The following PCDHA10 variants were observed in gnomAD, a reference collection of about 807,000 sequenced individuals.
PCDHA10 encodes protocadherin alpha-10.
In PCDHA10, 45 loss-of-function variants were observed where a neutral mutation model predicts 61.2. The ratio of observed to expected loss-of-function variants is 0.74; its 90% CI spans 0.58 to 0.94. The LOEUF (loss-of-function observed/expected upper bound fraction) is 0.94, where lower values mean the gene tolerates loss of function less well. PCDHA10 is among the 40% of genes least tolerant of loss of function. The probability of loss-of-function intolerance (pLI) is 0.00; values close to 1 mark genes in which losing one functional copy is unlikely to be tolerated. For missense variants in PCDHA10, 1,278 were observed against 1,236.2 expected, an observed-to-expected ratio of 1.03 and a Z score of -0.51; for synonymous variants, 602 against 548.8, an observed-to-expected ratio of 1.10 and a Z score of -1.35.
chr5:140,919,733 AG>A (rs1426663186), intron 1 of PCDHA10, among the ~76,000 whole-genome samples: 1 of 152,194 alleles, frequency 6.6e-6, no homozygotes, highest in Admixed American at 6.5e-5. Flanking sequence ...TGTTACTTCT[AG>A]ATAGCTTTAT....
At chr5:141,006,412 A>G (rs1423476125) in intron 3 of PCDHA10, among the ~76,000 whole-genome samples, 7 of 151,898 alleles carry the variant, frequency 4.6e-5, no homozygotes, top group African/African-American at 1.7e-4. Flanking sequence ...ACGCGGTTTC[A>G]CTGTGTTAGC....
At position 140,978,997 on chromosome 5, in the gene PCDHA10, G is replaced by C. The variant is rs782253140; in HGVS notation, c.2437G>C (p.Gly813Arg). The C allele has an allele frequency of 2.7e-5, 44 of 1,614,040 alleles. No individual in the cohort carries two copies. Among genetic ancestry groups the C allele is most frequent in the Non-Finnish European group, 3.6e-5 (43 of 1,180,028 alleles). ...GCGTTACTCTGCCTCCCTGAGAGCA[G>C]GCATGCACAGGTATGTATTTCCCTC... ...DWRYSASLRAGMHSSVHLEEA... is the reference protein window; with the variant it reads ...DWRYSASLRARMHSSVHLEEA... Residue 813 changes from glycine to arginine, a missense_variant, in exon 2 of 4, where the codon GGC becomes CGC. Transcript: ENST00000307360.
At chr5:140,982,434 T>A in intron 2 of PCDHA10, 41 bp from the exon 3 acceptor site, 1 of 1,613,270 alleles carries the variant, frequency 6.2e-7, no homozygotes, top group Non-Finnish European at 8.5e-7. Flanking sequence ...TGGGAAAGAA[T>A]TTATGATCTA....
chr5:140,877,792 CCAAGCCTTCAGCT>C, intron 1 of PCDHA10: 1 of 1,614,004 alleles, frequency 6.2e-7, no homozygotes, highest in East Asian at 2.2e-5. Context: ...GGCCTTCAGC[CCAAGCCTTCAGCT>C]GTCTCGAGAA....
chr5:140,915,204 C>A (rs2077022161), intron 1 of PCDHA10, among the ~76,000 whole-genome samples: 1 of 152,120 alleles, frequency 6.6e-6, no homozygotes, highest in African/African-American at 2.4e-5. Flanking sequence ...ATCTTGGCCT[C>A]CCAAAGTGCT....
intron 2 of PCDHA10, among the ~76,000 whole-genome samples, chr5:140,980,478 A>G (rs1186753725): frequency 2.6e-5 from 4 of 152,172 alleles, no homozygotes; most frequent in African/African-American, 4.8e-5. Context: ...AAAAATACAA[A>G]AATTAGCTGG....
intron 1 of PCDHA10, chr5:140,928,001 A>T (rs1252162846): frequency 6.2e-7 from 1 of 1,614,034 alleles, no homozygotes; most frequent in Non-Finnish European, 8.5e-7. Flanking sequence ...GAAGACCTCG[A>T]TTCTAATGGT....
intron 1 of PCDHA10, among the ~76,000 whole-genome samples, chr5:140,914,458 A>G (rs1294717004): frequency 6.6e-6 from 1 of 152,004 alleles, no homozygotes; most frequent in Non-Finnish European, 1.5e-5. Flanking sequence ...TTTCCAGTCT[A>G]TGTGTATCTT....
intron 1 of PCDHA10, among the ~76,000 whole-genome samples, chr5:140,925,279 C>T (rs1477579286): frequency 6.6e-6 from 1 of 152,058 alleles, no homozygotes; most frequent in African/African-American, 2.4e-5. Context: ...TCAGATTTTG[C>T]CTTTCAAATG....
At chr5:140,953,218 C>T (rs575250415) in intron 1 of PCDHA10, among the ~76,000 whole-genome samples, 2 of 152,272 alleles carry the variant, frequency 1.3e-5, no homozygotes, top group East Asian at 3.9e-4. Flanking sequence ...ATCTTTCTTG[C>T]TTCTGCTTGG....
rs377133743 is a variant in PCDHA10 at position 140,875,740 on chromosome 5, A to C, written c.2388+17304A>C. The C allele has an allele frequency of 2.1e-4, 339 of 1,614,222 alleles. No individual in the cohort carries two copies. The African/African-American group carries it at 4.0e-3, about 19-fold the overall frequency. On this transcript the variant is annotated intron_variant, in intron 1 of 3. Coordinates refer to ENST00000307360, the MANE Select transcript of PCDHA10 (RefSeq NM_018901.4). ...TGGCATTTTGTTTGTGAATTCTCGG[A>C]TCGACCGCGAGAAGCTGTGCGGGCG...
chr5:140,897,349 A>G (rs539353387), intron 1 of PCDHA10, among the ~76,000 whole-genome samples: 33 of 107,320 alleles, frequency 3.1e-4, no homozygotes, highest in African/African-American at 1.0e-3. Flanking sequence ...CCACCCCACA[A>G]CTGTCCCCAG....
chr5:141,000,421 ATTTTT>A (rs34755515), intron 3 of PCDHA10, among the ~76,000 whole-genome samples: 89 of 27,938 alleles, frequency 3.2e-3, no homozygotes, highest in East Asian at 4.2e-3. Flanking sequence ...ATATATATAT[ATTTTT>A]TTTTTTTTTT....
chr5:140,950,523 T>C (rs1289314937), intron 1 of PCDHA10, among the ~76,000 whole-genome samples: 2 of 152,094 alleles, frequency 1.3e-5, no homozygotes, highest in African/African-American at 4.8e-5. Flanking sequence ...TGCGATATGA[T>C]TGTTTTTGTT....
chr5:140,869,879 C>A (rs781975601), intron 1 of PCDHA10: 2 of 1,610,194 alleles, frequency 1.2e-6, no homozygotes, highest in Non-Finnish European at 1.7e-6. Flanking sequence ...GCTAAAGAAA[C>A]TCTTGTGCTC....
chr5:140,976,374 A>G (rs1163913998), intron 1 of PCDHA10, among the ~76,000 whole-genome samples: 2 of 152,040 alleles, frequency 1.3e-5, no homozygotes, highest in Non-Finnish European at 2.9e-5. Context: ...AACATGGTGA[A>G]ACCCCATCTC....
At chr5:140,966,414 G>A (rs1310333281) in intron 1 of PCDHA10, 5 of 420,334 alleles carry the variant, frequency 1.2e-5, no homozygotes, top group African/African-American at 2.1e-5. Context: ...AATCAGAGCA[G>A]GACTTGCTGA....
At chr5:140,920,835 C>T (rs1253933771) in intron 1 of PCDHA10, among the ~76,000 whole-genome samples, 1 of 141,740 alleles carries the variant, frequency 7.1e-6, no homozygotes, top group Non-Finnish European at 1.5e-5. Flanking sequence ...GGAGCAAGAC[C>T]AAATCTAAAA....
At chr5:140,956,953 C>T (rs1347983778) in intron 1 of PCDHA10, among the ~76,000 whole-genome samples, 1 of 135,202 alleles carries the variant, frequency 7.4e-6, no homozygotes, top group Non-Finnish European at 1.7e-5. Flanking sequence ...CATTAAAACA[C>T]TGTAATTAAT....
Sources: allele counts gnomAD v4.1 joint callset (sites outside exome capture counted in the v4.1 genomes callset), GRCh38; gene constraint gnomAD v4.1.1; transcripts MANE v1.5; gene names NCBI Gene and HGNC (gene_info 2026-07-23, HGNC 2026-07-21).